BOD1L1: variants seen among roughly 807,000 people sequenced by gnomAD.
BOD1L1 encodes the protein biorientation of chromosomes in cell division protein 1-like 1.
In BOD1L1, 86 loss-of-function variants were observed where a neutral mutation model predicts 240.7. The ratio of observed to expected loss-of-function variants is 0.36; its 90% CI spans 0.30 to 0.43. BOD1L1 has a LOEUF of 0.43. Among genes scored for constraint, BOD1L1 ranks in the 20% least tolerant of loss-of-function variants. The probability of loss-of-function intolerance (pLI) is 1.00; values close to 1 mark genes in which losing one functional copy is unlikely to be tolerated. For missense variants in BOD1L1, 3,554 were observed against 3,643.5 expected, an observed-to-expected ratio of 0.98 and a Z score of 0.63; for synonymous variants, 1,268 against 1,272.3, an observed-to-expected ratio of 1.00 and a Z score of 0.07.
chr4:13,624,030 T>A (rs1717217603), intron 1 of BOD1L1: 1 of 152,130 alleles, frequency 6.6e-6, no homozygotes. Flanking sequence ...AATATATTTT[T>A]TTTTTTTTCA....
At chr4:13,609,229 T>C (rs541277121) in intron 7 of BOD1L1, 66 bp downstream of exon 7, 2 of 915,904 alleles carry the variant, frequency 2.2e-6, no homozygotes, top group East Asian at 6.4e-5. Context: ...ATAAGTAATA[T>C]AAGAGTACCC....
At chr4:13,592,170 A>G (rs1714270058) in intron 12 of BOD1L1, 1 of 507,280 alleles carries the variant, frequency 2.0e-6, no homozygotes, top group East Asian at 3.2e-5. Context: ...AGAAAAAGAC[A>G]ACATAAATTA....
At chr4:13,577,307 G>T in intron 24 of BOD1L1, 96 bp downstream of exon 24, 1 of 963,888 alleles carries the variant, frequency 1.0e-6, no homozygotes, top group Non-Finnish European at 1.6e-6. Context: ...ATTAATATTA[G>T]CTGTACCCAT....
At chr4:13,588,163 G>A (rs550113810) in intron 15 of BOD1L1, among the ~76,000 whole-genome samples, 2 of 146,976 alleles carry the variant, frequency 1.4e-5, no homozygotes, top group South Asian at 2.1e-4. Context: ...ACTCCAGCCC[G>A]TGCAACAGGG....
rs1002499867 is a variant in BOD1L1 at position 13,599,622 on chromosome 4, A to T, written c.7278T>A (p.Val2426=). ...CATGCTTCTCTTCTTTTTCCGCACA[A>T]ACAGCACTTGGATGGCCTTGCCCTG... ...PSAGQGHPSA[V]CAEKEEKHGK... is the part of the protein sequence containing the mutation. Residue 2426 remains valine, a synonymous_variant, in exon 10 of 26, where the codon GTT becomes GTA. Transcript: ENST00000040738. 1 of 1,613,836 alleles carries T rather than the reference A, an allele frequency of 6.2e-7. No individual in the cohort carries two copies. Among genetic ancestry groups the T allele is most frequent in the African/African-American group, 1.3e-5 (1 of 74,900 alleles).
chr4:13,588,845 A>G (rs1713943982), intron 14 of BOD1L1, 53 bp from the exon 15 acceptor site: 3 of 1,320,908 alleles, frequency 2.3e-6, no homozygotes, highest in Non-Finnish European at 3.1e-6. Flanking sequence ...TTTATATTCC[A>G]ATACTTACTT....
chr4:13,591,842 GCTC>G (rs1188286905), intron 13 of BOD1L1, 78 bp downstream of exon 13: 2 of 1,073,912 alleles, frequency 1.9e-6, no homozygotes, highest in Admixed American at 2.9e-5. Flanking sequence ...CCTTCAGATG[GCTC>G]CTCCTCAATA....
chr4:13,586,691 CATATGTTCACA>C, intron 16 of BOD1L1, among the ~76,000 whole-genome samples: 1 of 152,282 alleles, frequency 6.6e-6, no homozygotes, highest in Middle Eastern at 3.4e-3. Flanking sequence ...CAAAAATCCC[CATATGTTCACA>C]TGACACCAAT....
At chr4:13,625,586 T>G (rs1474284234) in intron 1 of BOD1L1, 3 of 152,340 alleles carry the variant, frequency 2.0e-5, no homozygotes, top group Non-Finnish European at 4.4e-5. Flanking sequence ...CATGGGTTTC[T>G]GAGAACACAC....
intron 12 of BOD1L1, chr4:13,593,063 C>G (rs190992039): frequency 9.3e-5 from 14 of 151,264 alleles, no homozygotes; most frequent in Non-Finnish European, 1.5e-4. Context: ...CAACATGACT[C>G]TCAAAGGAAA....
At position 13,569,883 on chromosome 4, in the gene BOD1L1, C is replaced by G. The variant is rs1393522671; in HGVS notation, c.*128G>C. On this transcript the variant is annotated 3_prime_UTR_variant, in exon 26 of 26. Coordinates refer to ENST00000040738, the MANE Select transcript of BOD1L1 (RefSeq NM_148894.3). Reference sequence around the variant, plus strand: ...CTGTTTAAAACATAACAAGAAAAAGCTTGCACCTAGGGACTTACAGCACAT... The same window carrying G: ...CTGTTTAAAACATAACAAGAAAAAGGTTGCACCTAGGGACTTACAGCACAT... The G allele has an allele frequency of 2.9e-5, 15 of 510,504 alleles. No individual in the cohort carries two copies. Among genetic ancestry groups the G allele is most frequent in the Non-Finnish European group, 4.9e-5 (15 of 305,478 alleles). 31.6% of individuals were successfully genotyped at this position (510,504 alleles called of 1,614,324 possible).
At chr4:13,619,688 G>A (rs1035178966) in intron 2 of BOD1L1, among the ~76,000 whole-genome samples, 1 of 152,072 alleles carries the variant, frequency 6.6e-6, no homozygotes, top group Non-Finnish European at 1.5e-5. Context: ...TTTTTAGAAA[G>A]TCATACTGTT....
chr4:13,572,918 A>C, intron 25 of BOD1L1: 1 of 1,203,738 alleles, frequency 8.3e-7, no homozygotes, highest in East Asian at 5.7e-5. Flanking sequence ...AGGAAGTATG[A>C]GGCTCCTTGT....
rs780425398 is a variant in BOD1L1, at chr4:13,599,674, T to C, written c.7226A>G (p.Asn2409Ser). 9 of 1,613,974 alleles carry C rather than the reference T, an allele frequency of 5.6e-6. No homozygotes were observed. Among genetic ancestry groups the C allele is most frequent in the Admixed American group, 5.0e-5 (3 of 60,034 alleles). The change falls in exon 10 of 26, where the codon AAC (asparagine) becomes AGC (serine). Residue 2409 changes from asparagine (N) to serine (S), a missense_variant. Asn to Ser is a conservative substitution (Grantham distance 46, BLOSUM62 1). Coordinates refer to ENST00000040738, the MANE Select transcript of BOD1L1 (RefSeq NM_148894.3). ...VLAVSTEEGH[N>S]GPSVHKPSAG... ...AGAGGGCTTGTGGACTGATGGCCCGTTGTGCCCCTCCTCGGTGCTCACTGC... is the reference window on the plus strand; with the variant it reads ...AGAGGGCTTGTGGACTGATGGCCCGCTGTGCCCCTCCTCGGTGCTCACTGC...
At chr4:13,615,199 A>G in intron 3 of BOD1L1, 113 bp downstream of exon 3, 1 of 1,111,810 alleles carries the variant, frequency 9.0e-7, no homozygotes. Flanking sequence ...TTAAAGTACA[A>G]TTTCATTGGA....
At chr4:13,605,705 T>C (rs1715634967) in intron 9 of BOD1L1, among the ~76,000 whole-genome samples, 2 of 152,160 alleles carry the variant, frequency 1.3e-5, no homozygotes, top group South Asian at 2.1e-4. Context: ...AATTGAAATA[T>C]ACTGAAATAT....
intron 25 of BOD1L1, among the ~76,000 whole-genome samples, chr4:13,574,064 T>C (rs1473803829): frequency 6.6e-6 from 1 of 152,086 alleles, no homozygotes; most frequent in East Asian, 1.9e-4. Flanking sequence ...AGAGAAGACC[T>C]GGAAGCTGCC....
intron 1 of BOD1L1, chr4:13,624,150 G>A: frequency 6.6e-6 from 1 of 152,042 alleles, no homozygotes; most frequent in East Asian, 1.9e-4. Context: ...AGAGAGTCAT[G>A]GGGTAAAGGA....
intron 12 of BOD1L1, among the ~76,000 whole-genome samples, chr4:13,593,807 A>G (rs770555155): frequency 7.2e-5 from 11 of 152,200 alleles, no homozygotes; most frequent in South Asian, 2.1e-4. Flanking sequence ...TACAGTAGAC[A>G]TTACAGTTGC....
Sources: allele counts gnomAD v4.1 joint callset (sites outside exome capture counted in the v4.1 genomes callset), GRCh38; gene constraint gnomAD v4.1.1; transcripts MANE v1.5; gene names NCBI Gene and HGNC (gene_info 2026-07-23, HGNC 2026-07-21).